MATN2: variants seen among roughly 807,000 people sequenced by gnomAD.
MATN2 encodes matrilin-2.
MATN2 carries 69 observed loss-of-function variants against 103.2 expected under a neutral mutation model. The observed-to-expected ratio is 0.67, with a 90% CI of 0.55 to 0.82. The LOEUF (loss-of-function observed/expected upper bound fraction) is 0.82. Among genes scored for constraint, MATN2 ranks in the 40% least tolerant of loss-of-function variants. The pLI, the probability that MATN2 is intolerant of heterozygous loss-of-function variation, is 0.00. For synonymous variants in MATN2, 429 were observed against 450.2 expected, an observed-to-expected ratio of 0.95 and a Z score of 0.60; for missense variants, 1,023 against 1,211.5, an observed-to-expected ratio of 0.84 and a Z score of 2.31.
chr8:98,021,144 C>T (rs1813575563), intron 12 of MATN2, 61 bp from the exon 13 acceptor site: 1 of 1,533,826 alleles, frequency 6.5e-7, no homozygotes, highest in Non-Finnish European at 9.0e-7. Flanking sequence ...ACTCACATGA[C>T]TATTCAATTC....
chr8:97,983,800 A>C (rs1158735242), intron 6 of MATN2, among the ~76,000 whole-genome samples: 49 of 152,220 alleles, frequency 3.2e-4, no homozygotes, highest in Non-Finnish European at 4.4e-5. Flanking sequence ...TTTGCACTAG[A>C]AACAAAACAC....
At chr8:97,963,807 GC>G (rs1563694773) in intron 5 of MATN2, among the ~76,000 whole-genome samples, 1 of 152,132 alleles carries the variant, frequency 6.6e-6, no homozygotes, top group Non-Finnish European at 1.5e-5. Flanking sequence ...GCCCTTTACA[GC>G]GGTTCACTAA....
At chr8:97,981,711 C>T (rs1232812816) in intron 6 of MATN2, among the ~76,000 whole-genome samples, 1 of 152,182 alleles carries the variant, frequency 6.6e-6, no homozygotes, top group African/African-American at 2.4e-5. Context: ...CTACCTGCCT[C>T]TCCAGACTGC....
chr8:97,942,585 TA>T (rs1810605565), intron 4 of MATN2, among the ~76,000 whole-genome samples: 1 of 152,264 alleles, frequency 6.6e-6, no homozygotes, highest in South Asian at 2.1e-4. Flanking sequence ...GCCACTGAGT[TA>T]ACCTACAGAT....
intron 5 of MATN2, among the ~76,000 whole-genome samples, chr8:97,973,758 T>TG (rs778467262): frequency 6.6e-6 from 1 of 151,944 alleles, no homozygotes; most frequent in African/African-American, 2.4e-5. Flanking sequence ...TTTGTAGAGA[T>TG]GGGGTCTCGC....
chr8:97,967,064 G>A (rs1429785387), intron 5 of MATN2, among the ~76,000 whole-genome samples: 3 of 152,008 alleles, frequency 2.0e-5, no homozygotes, highest in African/African-American at 7.3e-5. Flanking sequence ...GTAGGGGGAG[G>A]TGACACACTC....
chr8:98,018,764 C>T (rs950617997), intron 12 of MATN2, among the ~76,000 whole-genome samples: 3 of 152,000 alleles, frequency 2.0e-5, no homozygotes, highest in South Asian at 4.2e-4. Flanking sequence ...AGGAAAGCCC[C>T]GTCCCCATGA....
chr8:97,891,204 G>A (rs1386117326), intron 2 of MATN2, among the ~76,000 whole-genome samples: 1 of 152,162 alleles, frequency 6.6e-6, no homozygotes, highest in African/African-American at 2.4e-5. Flanking sequence ...TGGTAGAATC[G>A]GTGTGCAAAA....
chr8:97,871,823 C>A (rs369950592), intron 1 of MATN2, among the ~76,000 whole-genome samples: 10 of 152,088 alleles, frequency 6.6e-5, no homozygotes, highest in African/African-American at 1.2e-4. Flanking sequence ...GGGCTGTTGC[C>A]AGTAATTGGT....
Position 97,896,884 on chromosome 8 carries a change from A to G in MATN2, c.142+8642A>G, listed in dbSNP as rs374511350. On this transcript the variant is annotated intron_variant, in intron 2 of 18. Transcript: ENST00000254898. ...GCTGGGCAGTGGGATCAGGCAACACAGTAGGGCTGGGCAGTGGGATCTGGC... is the reference window on the plus strand; with the variant it reads ...GCTGGGCAGTGGGATCAGGCAACACGGTAGGGCTGGGCAGTGGGATCTGGC... 6.3e-4 allele frequency among the ~76,000 whole-genome samples: 95 copies of G among 151,392 alleles called. 2 individuals are homozygous for G. The South Asian group carries it at 0.014, about 22-fold the overall frequency.
chr8:97,937,583 C>CTTTTTTTTTTTTTTTTT (rs376203275), intron 3 of MATN2, among the ~76,000 whole-genome samples: 1 of 89,814 alleles, frequency 1.1e-5, no homozygotes, highest in African/African-American at 4.6e-5. Context: ...TCCCCACTAA[C>CTTTTTTTTTTTTTTTTT]TTTTTTTTTT....
At chr8:97,966,194 C>G (rs957132177) in intron 5 of MATN2, among the ~76,000 whole-genome samples, 1 of 151,826 alleles carries the variant, frequency 6.6e-6, no homozygotes, top group African/African-American at 2.4e-5. Context: ...AAAAAGACTC[C>G]ATGATCTTGA....
rs190961715 is a variant in MATN2 at position 97,883,612 on chromosome 8, G to T, written c.-26-4463G>T. Among the ~76,000 whole-genome samples, 495 of 151,226 alleles carry T rather than the reference G, an allele frequency of 3.3e-3. 4 individuals carry two copies. Among genetic ancestry groups the T allele is most frequent in the Non-Finnish European group, 5.9e-3 (400 of 67,808 alleles). On this transcript the variant is annotated intron_variant, in intron 1 of 18. Coordinates refer to ENST00000254898, the MANE Select transcript of MATN2 (RefSeq NM_002380.5). ...TCTGTCCCCAGACTGGAGTGCAGTG[G>T]CATGATCTCGGCTCACTGCAAGCTC...
chr8:97,949,954 G>T (rs1422954013), intron 4 of MATN2, among the ~76,000 whole-genome samples: 1 of 152,144 alleles, frequency 6.6e-6, no homozygotes, highest in East Asian at 1.9e-4. Context: ...TTTGGAAATG[G>T]TGCCTACTCA....
intron 4 of MATN2, chr8:97,950,684 A>C (rs979675847): frequency 1.3e-5 from 2 of 152,290 alleles, no homozygotes; most frequent in Non-Finnish European, 2.9e-5. Context: ...CGCAGAATTA[A>C]GTAGGAGACC....
At chr8:97,955,970 C>A (rs1022252310) in intron 4 of MATN2, among the ~76,000 whole-genome samples, 11 of 152,184 alleles carry the variant, frequency 7.2e-5, no homozygotes, top group African/African-American at 2.7e-4. Flanking sequence ...TGATGCAGGA[C>A]AAGTGAGCCC....
At chr8:97,882,074 A>G (rs1818274220) in intron 1 of MATN2, among the ~76,000 whole-genome samples, 1 of 151,486 alleles carries the variant, frequency 6.6e-6, no homozygotes. Context: ...GGTGTGCGCC[A>G]CCATGCCTGG....
chr8:98,008,572 T>C (rs1813052320), intron 10 of MATN2, among the ~76,000 whole-genome samples: 1 of 152,116 alleles, frequency 6.6e-6, no homozygotes, highest in Middle Eastern at 3.2e-3. Context: ...TATTTCCAGT[T>C]TGGGACAGAT....
At chr8:98,006,054 A>G (rs887313330) in intron 8 of MATN2, among the ~76,000 whole-genome samples, 34 of 152,338 alleles carry the variant, frequency 2.2e-4, no homozygotes, top group African/African-American at 7.7e-4. Context: ...CATTTTCTCC[A>G]TAAGGGAAAC....
Sources: allele counts gnomAD v4.1 joint callset (sites outside exome capture counted in the v4.1 genomes callset), GRCh38; gene constraint gnomAD v4.1.1; transcripts MANE v1.5; gene names NCBI Gene and HGNC (gene_info 2026-07-23, HGNC 2026-07-21).